COP1: variants seen among roughly 807,000 people sequenced by gnomAD.
The protein encoded by COP1 is E3 ubiquitin-protein ligase COP1.
In COP1, 24 loss-of-function variants were observed where a neutral mutation model predicts 101.3. That is an observed-to-expected ratio of 0.24 (90% confidence interval 0.17 to 0.33). COP1 has a LOEUF of 0.33. COP1 is among the 10% of genes least tolerant of loss of function. The pLI is 1.00. For missense variants in COP1, 663 were observed against 906.2 expected, an observed-to-expected ratio of 0.73 and a Z score of 3.45; for synonymous variants, 347 against 341.9, an observed-to-expected ratio of 1.01 and a Z score of -0.17.
intron 8 of COP1, among the ~76,000 whole-genome samples, chr1:176,130,557 T>C (rs1688718705): frequency 6.6e-6 from 1 of 151,790 alleles, no homozygotes; most frequent in Non-Finnish European, 1.5e-5. Flanking sequence ...AAAATTCAAC[T>C]GATATATTTT....
intron 15 of COP1, among the ~76,000 whole-genome samples, chr1:176,025,536 A>G (rs566839764): frequency 6.6e-6 from 1 of 151,848 alleles, no homozygotes; most frequent in East Asian, 1.9e-4. Flanking sequence ...CATATATAGG[A>G]AAAAAAATTG....
chr1:175,971,735 ATCTTT>A (rs1653280524), intron 18 of COP1, among the ~76,000 whole-genome samples: 1 of 152,226 alleles, frequency 6.6e-6, no homozygotes, highest in Non-Finnish European at 1.5e-5. Context: ...CAGGAGGCAG[ATCTTT>A]GACTCCAGCT....
At chr1:176,035,549 G>C (rs970725747) in intron 14 of COP1, among the ~76,000 whole-genome samples, 1 of 151,684 alleles carries the variant, frequency 6.6e-6, no homozygotes, top group African/African-American at 2.4e-5. Flanking sequence ...ATTAACAAAT[G>C]ATTCAGTCCA....
intron 8 of COP1, among the ~76,000 whole-genome samples, chr1:176,127,357 T>C (rs1558162207): frequency 6.6e-6 from 1 of 152,150 alleles, no homozygotes; most frequent in South Asian, 2.1e-4. Context: ...CCTCTCCCCA[T>C]CCACCTCTAA....
chr1:176,139,288 C>CAAAAAAAAAAAAAAA (rs563184945), intron 6 of COP1, among the ~76,000 whole-genome samples: 110 of 108,036 alleles, frequency 1.0e-3, no homozygotes, highest in Middle Eastern at 3.8e-3. Context: ...ACAAAAAAAA[C>CAAAAAAAAAAAAAAA]AAAAAAAAAA....
At chr1:176,006,763 T>C (rs1236831639) in intron 15 of COP1, among the ~76,000 whole-genome samples, 1 of 152,200 alleles carries the variant, frequency 6.6e-6, no homozygotes, top group Non-Finnish European at 1.5e-5. Context: ...CCGACCTTTC[T>C]CTCTGGCTGC....
intron 11 of COP1, among the ~76,000 whole-genome samples, chr1:176,079,796 T>C (rs1678763021): frequency 6.6e-6 from 1 of 152,142 alleles, no homozygotes; most frequent in Non-Finnish European, 1.5e-5. Flanking sequence ...ATGTGGGTGA[T>C]GGTTATGTGA....
chr1:176,039,829 C>A (rs546153861), intron 14 of COP1, among the ~76,000 whole-genome samples: 1 of 151,950 alleles, frequency 6.6e-6, no homozygotes, highest in Admixed American at 6.6e-5. Flanking sequence ...GTTTTTTCAA[C>A]AAGTGATGAT....
At chr1:176,062,709 T>C (rs1328132795) in intron 11 of COP1, among the ~76,000 whole-genome samples, 1 of 152,202 alleles carries the variant, frequency 6.6e-6, no homozygotes, top group Non-Finnish European at 1.5e-5. Context: ...ACTTTATTCA[T>C]AATAGTAACA....
intron 3 of COP1, among the ~76,000 whole-genome samples, chr1:176,174,397 G>A (rs1002393689): frequency 3.3e-5 from 5 of 152,078 alleles, no homozygotes; most frequent in Non-Finnish European, 7.4e-5. Flanking sequence ...ATCCTGCAAG[G>A]TACCATGCCA....
chr1:176,079,285 A>G (rs1678656581), intron 11 of COP1, among the ~76,000 whole-genome samples: 1 of 152,190 alleles, frequency 6.6e-6, no homozygotes, highest in South Asian at 2.1e-4. Flanking sequence ...GGCACATGGA[A>G]TACAACATAG....
intron 1 of COP1, among the ~76,000 whole-genome samples, chr1:176,187,791 ACAC>A (rs1379126067): frequency 5.3e-5 from 8 of 152,190 alleles, no homozygotes; most frequent in Non-Finnish European, 1.2e-4. Context: ...GTGGCAGAAT[ACAC>A]CAAAAAGAGA....
intron 2 of COP1, among the ~76,000 whole-genome samples, chr1:176,177,720 GTAAAC>G (rs1221666529): frequency 1.3e-5 from 2 of 151,964 alleles, no homozygotes; most frequent in Admixed American, 6.6e-5. Flanking sequence ...CTTGAGCTTT[GTAAAC>G]TGAGTTGATT....
At chr1:175,988,153 G>A in intron 17 of COP1, 135 bp downstream of exon 17, 1 of 738,520 alleles carries the variant, frequency 1.4e-6, no homozygotes, top group Non-Finnish European at 2.1e-6. Flanking sequence ...AGTAGTGCTG[G>A]GGCATCATGT....
chr1:176,036,520 A>AAAAAAAACAAAAAAAAAAAAC (rs1553232075), intron 14 of COP1, among the ~76,000 whole-genome samples: 2 of 143,748 alleles, frequency 1.4e-5, no homozygotes, highest in Non-Finnish European at 3.1e-5. Flanking sequence ...AAAAAAAAAA[A>AAAAAAAACAAAAAAAAAAAAC]AAAAAAGCAT....
intron 15 of COP1, among the ~76,000 whole-genome samples, chr1:175,997,800 G>A (rs1249003273): frequency 6.6e-6 from 1 of 152,066 alleles, no homozygotes; most frequent in Admixed American, 6.5e-5. Context: ...CACTGTTGGT[G>A]GGACTGTAAA....
intron 18 of COP1, 151 bp downstream of exon 18, chr1:175,986,791 TA>T: frequency 3.5e-6 from 2 of 563,790 alleles, no homozygotes; most frequent in Non-Finnish European, 6.2e-6. Context: ...AATCACTACC[TA>T]AAATGCCTAT....
At chr1:176,122,869 G>A (rs1206945050) in intron 8 of COP1, among the ~76,000 whole-genome samples, 1 of 152,110 alleles carries the variant, frequency 6.6e-6, no homozygotes. Context: ...TCTAAAAGAT[G>A]GAACAGGTCT....
At chr1:175,990,756 G>A (rs973894382) in intron 15 of COP1, among the ~76,000 whole-genome samples, 1 of 151,958 alleles carries the variant, frequency 6.6e-6, no homozygotes, top group African/African-American at 2.4e-5. Flanking sequence ...TCTACTCTAA[G>A]TATATTCTGT....
Sources: gnomAD v4.1 joint callset for allele counts (sites outside exome capture counted in the v4.1 genomes callset) on GRCh38, gnomAD v4.1.1 for gene constraint, MANE v1.5 for transcripts, NCBI Gene and HGNC (gene_info 2026-07-23, HGNC 2026-07-21) for gene names.